The following EYS variants were observed in gnomAD, a reference collection of about 807,000 sequenced individuals.
The protein encoded by EYS is EGF-like photoreceptor maintenance factor, also known as protein eyes shut homolog.
Under a neutral mutation model 282.1 loss-of-function variants are expected in EYS, and 250 were observed. The observed-to-expected ratio is 0.89, with a 90% CI of 0.80 to 0.98. EYS has a LOEUF of 0.98. Among genes scored for constraint, EYS ranks in the 50% least tolerant of loss-of-function variants. The probability of loss-of-function intolerance (pLI) is 0.00; values close to 1 mark genes in which losing one functional copy is unlikely to be tolerated. For synonymous variants in EYS, 1,355 were observed against 1,282.9 expected (o/e 1.06, Z -1.20); for missense variants, 4,016 against 3,709.0 (o/e 1.08, Z -2.15).
chr6:64,455,775 G>A (rs1432038407), intron 26 of EYS, among the ~76,000 whole-genome samples: 1 of 145,524 alleles, frequency 6.9e-6, no homozygotes, highest in African/African-American at 2.5e-5. Context: ...CCCTGCAAAG[G>A]ACATGAAGTT....
At chr6:64,670,306 T>C (rs1269908163) in intron 22 of EYS, among the ~76,000 whole-genome samples, 4 of 152,096 alleles carry the variant, frequency 2.6e-5, no homozygotes, top group Non-Finnish European at 5.9e-5. Flanking sequence ...GACTGAGTTA[T>C]GGCCTCTCCC....
At chr6:64,922,870 C>T (rs1408890754) in intron 15 of EYS, among the ~76,000 whole-genome samples, 1 of 152,164 alleles carries the variant, frequency 6.6e-6, no homozygotes, top group Non-Finnish European at 1.5e-5. Context: ...TGGAGATGGA[C>T]CCCAAGCTCT....
intron 5 of EYS, among the ~76,000 whole-genome samples, chr6:65,440,724 T>C (rs1053442582): frequency 6.6e-6 from 1 of 151,148 alleles, no homozygotes; most frequent in African/African-American, 2.4e-5. Context: ...ATGTAGCATA[T>C]AGTATCGTTG....
chr6:64,287,896 C>T (rs1381426978), intron 30 of EYS, among the ~76,000 whole-genome samples: 2 of 151,994 alleles, frequency 1.3e-5, no homozygotes, highest in Non-Finnish European at 2.9e-5. Flanking sequence ...GCCTTGAGCC[C>T]CAAACACTTA....
At chr6:65,539,590 T>G (rs768194439) in intron 2 of EYS, among the ~76,000 whole-genome samples, 8 of 152,196 alleles carry the variant, frequency 5.3e-5, no homozygotes, top group African/African-American at 7.2e-5. Flanking sequence ...GGTAGGCATA[T>G]ATCCTTAAAA....
intron 28 of EYS, among the ~76,000 whole-genome samples, chr6:64,434,413 G>A (rs1774672092): frequency 6.6e-6 from 1 of 152,088 alleles, no homozygotes; most frequent in South Asian, 2.1e-4. Context: ...AGTTATGTGT[G>A]TGTAAAGCAT....
intron 31 of EYS, among the ~76,000 whole-genome samples, chr6:64,089,355 T>C (rs1772273341): frequency 6.7e-6 from 1 of 150,256 alleles, no homozygotes; most frequent in South Asian, 2.1e-4. Context: ...TATAATATTA[T>C]AAAATTAAAT....
At chr6:64,680,321 A>G (rs760522614) in intron 22 of EYS, among the ~76,000 whole-genome samples, 2 of 152,228 alleles carry the variant, frequency 1.3e-5, no homozygotes, top group Non-Finnish European at 2.9e-5. Flanking sequence ...TAAAAACTAT[A>G]ACAAAATGAT....
chr6:64,453,849 G>A (rs1276612321), intron 26 of EYS, among the ~76,000 whole-genome samples: 2 of 152,056 alleles, frequency 1.3e-5, no homozygotes, highest in Admixed American at 6.6e-5. Flanking sequence ...ACACACCGGG[G>A]ACTGTTGTGG....
intron 33 of EYS, among the ~76,000 whole-genome samples, chr6:64,017,726 A>G (rs1768964437): frequency 6.6e-6 from 1 of 152,212 alleles, no homozygotes; most frequent in African/African-American, 2.4e-5. Context: ...CCTGTGTGAA[A>G]GGTTCATCCT....
At chr6:65,325,010 G>A (rs1012636267) in intron 11 of EYS, among the ~76,000 whole-genome samples, 1 of 152,204 alleles carries the variant, frequency 6.6e-6, no homozygotes, top group African/African-American at 2.4e-5. Flanking sequence ...AGAGCTTTCG[G>A]CAGACATGCC....
At chr6:65,409,075 G>A (rs889032184) in intron 5 of EYS, among the ~76,000 whole-genome samples, 11 of 152,232 alleles carry the variant, frequency 7.2e-5, no homozygotes, top group African/African-American at 2.4e-4. Context: ...GAACATATAT[G>A]ATATGATTTG....
intron 12 of EYS, among the ~76,000 whole-genome samples, chr6:65,256,355 G>A (rs1228725455): frequency 1.4e-5 from 2 of 139,032 alleles, no homozygotes; most frequent in Admixed American, 1.5e-4. Context: ...TGCCATGCTG[G>A]TGTGCTGCAC....
chr6:64,726,078 G>A (rs1341501115), intron 22 of EYS, among the ~76,000 whole-genome samples: 1 of 151,768 alleles, frequency 6.6e-6, no homozygotes, highest in Non-Finnish European at 1.5e-5. Context: ...CAAGACTTTT[G>A]TCTCCCTCAT....
At chr6:65,517,142 A>G (rs1026632678) in intron 2 of EYS, among the ~76,000 whole-genome samples, 2 of 151,894 alleles carry the variant, frequency 1.3e-5, no homozygotes, top group African/African-American at 4.8e-5. Flanking sequence ...GAACATGGAA[A>G]TTGGATTTAA....
At position 64,582,084 on chromosome 6, in the gene EYS, T is replaced by C. The variant is rs141150607; in HGVS notation, c.5644+8139A>G. ...CTGTAAAGAAGAACATAGTAAGTAT[T>C]CTGGGCTTGCTATGTGTGACACAAC... On this transcript the variant is annotated intron_variant, in intron 26 of 42. Coordinates refer to ENST00000503581, the MANE Select transcript of EYS (RefSeq NM_001142800.2). Among the ~76,000 whole-genome samples, 295 of 152,298 alleles carry C rather than the reference T, an allele frequency of 1.9e-3. 2 individuals carry two copies. Among genetic ancestry groups the C allele is most frequent in the African/African-American group, 6.7e-3 (278 of 41,572 alleles).
intron 16 of EYS, among the ~76,000 whole-genome samples, chr6:64,902,895 G>C (rs1767711655): frequency 6.6e-6 from 1 of 152,078 alleles, no homozygotes; most frequent in Admixed American, 6.6e-5. Context: ...ATTCAAGGCA[G>C]TTAGCAGATG....
chr6:65,066,830 T>C (rs1436311444), intron 12 of EYS, among the ~76,000 whole-genome samples: 2 of 152,184 alleles, frequency 1.3e-5, no homozygotes, highest in African/African-American at 4.8e-5. Flanking sequence ...AAGATACTAA[T>C]GATATACTGT....
chr6:65,204,588 T>A (rs532872224), intron 12 of EYS, among the ~76,000 whole-genome samples: 19 of 151,994 alleles, frequency 1.3e-4, no homozygotes, highest in Admixed American at 5.9e-4. Context: ...CATAAAAGCA[T>A]ATATAAGAAA....
Sources: allele counts gnomAD v4.1 joint callset (sites outside exome capture counted in the v4.1 genomes callset), GRCh38; gene constraint gnomAD v4.1.1; transcripts MANE v1.5; gene names NCBI Gene and HGNC (gene_info 2026-07-23, HGNC 2026-07-21).